Variants in SKAP1 observed in about 807,000 individuals in gnomAD.
The protein encoded by SKAP1 is src kinase-associated phosphoprotein 1.
A neutral mutation model predicts 58.5 loss-of-function variants in SKAP1; 44 were observed. That is an observed-to-expected ratio of 0.75 (90% CI 0.59 to 0.97). SKAP1 has a LOEUF of 0.97. Among genes scored for constraint, SKAP1 ranks in the 50% least tolerant of loss-of-function variants. The pLI, the probability that SKAP1 is intolerant of heterozygous loss-of-function variation, is 0.00. For missense variants in SKAP1, 390 were observed against 435.2 expected (o/e 0.90, Z 0.92); for synonymous variants, 127 against 149.7 (o/e 0.85, Z 1.11).
chr17:48,315,558 T>C (rs1053239941), intron 4 of SKAP1, among the ~76,000 whole-genome samples: 1 of 152,242 alleles, frequency 6.6e-6, no homozygotes, highest in Non-Finnish European at 1.5e-5. Flanking sequence ...TGTAAATTTT[T>C]ATTAGACACA....
At chr17:48,359,084 A>C (rs2066907572) in intron 3 of SKAP1, among the ~76,000 whole-genome samples, 1 of 152,198 alleles carries the variant, frequency 6.6e-6, no homozygotes. Flanking sequence ...ATAGAGATAA[A>C]AGAAAAATGT....
chr17:48,315,032 T>C (rs1231835105), intron 4 of SKAP1, among the ~76,000 whole-genome samples: 1 of 152,206 alleles, frequency 6.6e-6, no homozygotes, highest in Admixed American at 6.5e-5. Flanking sequence ...AGGATGCCTA[T>C]ACTGTGAGAG....
At chr17:48,149,662 G>T (rs2063875559) in intron 11 of SKAP1, among the ~76,000 whole-genome samples, 1 of 151,978 alleles carries the variant, frequency 6.6e-6, no homozygotes, top group South Asian at 2.1e-4. Context: ...TGGTAAGGTC[G>T]CCAGAATAAA....
chr17:48,144,283 T>A (rs915146886), intron 11 of SKAP1, among the ~76,000 whole-genome samples: 7 of 152,132 alleles, frequency 4.6e-5, no homozygotes, highest in African/African-American at 1.7e-4. Context: ...CTGAGATGTT[T>A]AAAGCATGAA....
At chr17:48,144,102 T>C (rs2063800462) in intron 11 of SKAP1, among the ~76,000 whole-genome samples, 1 of 152,146 alleles carries the variant, frequency 6.6e-6, no homozygotes, top group African/African-American at 2.4e-5. Flanking sequence ...CTCTCTGCCC[T>C]TCAAAACAAA....
At chr17:48,432,358 G>A (rs953051269), upstream of SKAP1, among the ~76,000 whole-genome samples, 2 of 152,036 alleles carry the variant, frequency 1.3e-5, no homozygotes, top group African/African-American at 2.4e-5. Flanking sequence ...GAACCCGGGG[G>A]GCGGAGGTTG....
the SKAP1 span, among the ~76,000 whole-genome samples, chr17:48,440,721 A>G: frequency 6.6e-6 from 1 of 152,336 alleles, no homozygotes; most frequent in East Asian, 1.9e-4. Context: ...TACCCCAAGA[A>G]ATGAATGCTA....
intron 6 of SKAP1, among the ~76,000 whole-genome samples, chr17:48,186,857 T>G (rs1279651347): frequency 1.3e-5 from 2 of 152,260 alleles, no homozygotes; most frequent in East Asian, 3.9e-4. Context: ...TTCCCTATAT[T>G]GGATATCCAG....
chr17:48,317,499 T>C lies in SKAP1; in HGVS notation c.280+28406A>G, dbSNP rs1288137443. Among the ~76,000 whole-genome samples, 5 of 152,222 alleles carry C rather than the reference T, an allele frequency of 3.3e-5. No individual in the cohort carries two copies. The East Asian group carries it at 7.7e-4, about 23-fold the overall frequency. On this transcript the variant is annotated intron_variant, in intron 4 of 12. Coordinates refer to ENST00000336915, the MANE Select transcript of SKAP1 (RefSeq NM_003726.4). ...TTTGGACTAGCAAAGCATAATTCTA[T>C]ACTTAGACCAGTAAGCTGGTCATAT...
At chr17:48,342,857 C>T (rs1481372658) in intron 4 of SKAP1, among the ~76,000 whole-genome samples, 4 of 152,002 alleles carry the variant, frequency 2.6e-5, no homozygotes, top group South Asian at 2.1e-4. Flanking sequence ...CGGTGGCCGG[C>T]GCCTATAGTC....
At chr17:48,402,978 C>T (rs1212865901) in intron 1 of SKAP1, among the ~76,000 whole-genome samples, 1 of 152,086 alleles carries the variant, frequency 6.6e-6, no homozygotes, top group Non-Finnish European at 1.5e-5. Flanking sequence ...CTAAAATTTA[C>T]TGTGGTGATA....
chr17:48,382,021 C>A (rs2067220173), intron 2 of SKAP1, among the ~76,000 whole-genome samples: 1 of 152,108 alleles, frequency 6.6e-6, no homozygotes, highest in African/African-American at 2.4e-5. Flanking sequence ...AGCTATGTAA[C>A]CTTGAGCAAG....
chr17:48,355,023 G>A (rs1335564340), intron 3 of SKAP1, among the ~76,000 whole-genome samples: 1 of 152,166 alleles, frequency 6.6e-6, no homozygotes, highest in Admixed American at 6.5e-5. Flanking sequence ...GATTTTCTGT[G>A]TTAGTCCAGG....
rs147450329 is a variant in SKAP1 at position 48,281,228 on chromosome 17, G to A, written c.280+64677C>T. Among the ~76,000 whole-genome samples the A allele has an allele frequency of 3.8e-3, 583 of 152,182 alleles. 2 individuals are homozygous for A. Among genetic ancestry groups the A allele is most frequent in the African/African-American group, 0.014 (561 of 41,528 alleles). On this transcript the variant is annotated intron_variant, in intron 4 of 12. Transcript: ENST00000336915. Reference sequence around the variant, plus strand: ...TTTAGTAGAGATGGGTTTTCACCATGTTGGCCAGGATGGTCTTGATCTCCT... The same window carrying A: ...TTTAGTAGAGATGGGTTTTCACCATATTGGCCAGGATGGTCTTGATCTCCT...
intron 4 of SKAP1, among the ~76,000 whole-genome samples, chr17:48,314,396 C>T (rs879189319): frequency 6.6e-6 from 1 of 152,128 alleles, no homozygotes; most frequent in African/African-American, 2.4e-5. Context: ...TCCTCCCTTA[C>T]AAAAATTCAA....
At chr17:48,351,679 A>G (rs1567878887) in intron 3 of SKAP1, among the ~76,000 whole-genome samples, 1 of 152,180 alleles carries the variant, frequency 6.6e-6, no homozygotes, top group Non-Finnish European at 1.5e-5. Flanking sequence ...AAAAAACTAC[A>G]GTTTTTTACT....
chr17:48,404,998 T>C (rs1368540789), intron 1 of SKAP1, among the ~76,000 whole-genome samples: 3 of 152,184 alleles, frequency 2.0e-5, no homozygotes, highest in Non-Finnish European at 4.4e-5. Context: ...TCATTTGATG[T>C]AAAGTACAAT....
intron 4 of SKAP1, chr17:48,193,688 C>T: frequency 3.0e-6 from 3 of 984,718 alleles, no homozygotes; most frequent in Non-Finnish European, 3.6e-6. Context: ...TCCTACTGAT[C>T]AAGAACTAGT....
chr17:48,328,136 G>C (rs2066461837), intron 4 of SKAP1, among the ~76,000 whole-genome samples: 1 of 152,172 alleles, frequency 6.6e-6, no homozygotes, highest in Non-Finnish European at 1.5e-5. Context: ...GATCCCAGAT[G>C]AATCTCATGC....
Sources: allele counts gnomAD v4.1 joint callset (sites outside exome capture counted in the v4.1 genomes callset), GRCh38; gene constraint gnomAD v4.1.1; transcripts MANE v1.5; gene names NCBI Gene and HGNC (gene_info 2026-07-23, HGNC 2026-07-21).